The following DPYD variants were observed in gnomAD, a reference collection of about 807,000 sequenced individuals.
DPYD encodes dihydropyrimidine dehydrogenase.
A neutral mutation model predicts 116.2 loss-of-function variants in DPYD; 109 were observed. That is an observed-to-expected ratio of 0.94 (90% CI 0.80 to 1.10). The LOEUF (loss-of-function observed/expected upper bound fraction) is 1.10. Ranked by LOEUF, DPYD falls within the 50% of genes least tolerant of loss-of-function variation. DPYD has a pLI of 0.00. For synonymous variants in DPYD, 440 were observed against 432.0 expected (o/e 1.02, Z -0.23); for missense variants, 1,302 against 1,254.5 (o/e 1.04, Z -0.57).
At chr1:97,272,860 A>G (rs1018174627) in intron 18 of DPYD, among the ~76,000 whole-genome samples, 1 of 152,128 alleles carries the variant, frequency 6.6e-6, no homozygotes, top group Admixed American at 6.6e-5. Context: ...CTGAGATCAG[A>G]TAAGTAGGAT....
At chr1:97,864,739 A>G (rs1671288029) in intron 2 of DPYD, among the ~76,000 whole-genome samples, 1 of 151,876 alleles carries the variant, frequency 6.6e-6, no homozygotes. Flanking sequence ...TCTGGTAAGG[A>G]AACACATGGA....
At chr1:97,788,527 C>T (rs896046480) in intron 3 of DPYD, among the ~76,000 whole-genome samples, 6 of 152,152 alleles carry the variant, frequency 3.9e-5, no homozygotes, top group Non-Finnish European at 7.4e-5. Context: ...GCAAGACCAA[C>T]GAACTACCCA....
chr1:97,891,500 T>C (rs1055935472), intron 1 of DPYD, among the ~76,000 whole-genome samples: 2 of 151,938 alleles, frequency 1.3e-5, no homozygotes, highest in Non-Finnish European at 2.9e-5. Flanking sequence ...CAGGGCCAAG[T>C]ATAAATGAAA....
At chr1:97,284,486 T>C (rs955560927) in intron 18 of DPYD, among the ~76,000 whole-genome samples, 8 of 152,138 alleles carry the variant, frequency 5.3e-5, no homozygotes, top group African/African-American at 1.4e-4. Flanking sequence ...TATTAAGCCA[T>C]CTTTGCATTC....
chr1:97,511,793 C>G (rs1004899503), intron 13 of DPYD, among the ~76,000 whole-genome samples: 1 of 151,892 alleles, frequency 6.6e-6, no homozygotes, highest in Non-Finnish European at 1.5e-5. Context: ...AGAAGTTAGG[C>G]CAGCCGATTT....
intron 5 of DPYD, among the ~76,000 whole-genome samples, chr1:97,712,601 T>C (rs984477147): frequency 6.6e-6 from 1 of 152,106 alleles, no homozygotes; most frequent in African/African-American, 2.4e-5. Flanking sequence ...CTCATTTACG[T>C]TGAGTGAATT....
chr1:97,398,005 T>A (rs566659124), intron 14 of DPYD, among the ~76,000 whole-genome samples: 1 of 152,266 alleles, frequency 6.6e-6, no homozygotes, highest in South Asian at 2.1e-4. Flanking sequence ...TGCAGGTTTG[T>A]TACATATGTA....
At chr1:97,447,213 A>T (rs1162843949) in intron 14 of DPYD, among the ~76,000 whole-genome samples, 1 of 152,256 alleles carries the variant, frequency 6.6e-6, no homozygotes, top group Non-Finnish European at 1.5e-5. Flanking sequence ...GCTTTTGCTT[A>T]GAAGCTGCCA....
chr1:97,642,887 TAAA>T (rs1022853803), intron 8 of DPYD, among the ~76,000 whole-genome samples: 1 of 147,568 alleles, frequency 6.8e-6, no homozygotes, highest in African/African-American at 2.6e-5. Context: ...ATAATAATAA[TAAA>T]ATTAAATTAA....
chr1:97,793,886 A>C (rs1163979281), intron 3 of DPYD, among the ~76,000 whole-genome samples: 3 of 152,068 alleles, frequency 2.0e-5, no homozygotes, highest in Non-Finnish European at 4.4e-5. Context: ...CAAAAATAAC[A>C]ATTTCTGTTC....
At chr1:97,382,031 A>G (rs1262410837) in intron 15 of DPYD, among the ~76,000 whole-genome samples, 2 of 152,180 alleles carry the variant, frequency 1.3e-5, no homozygotes, top group Admixed American at 6.5e-5. Context: ...TAGTTTGCCT[A>G]AAGGCAAGGT....
intron 3 of DPYD, among the ~76,000 whole-genome samples, chr1:97,787,650 A>T (rs759984774): frequency 3.9e-5 from 6 of 152,236 alleles, no homozygotes; most frequent in Non-Finnish European, 7.3e-5. Context: ...AAAAAGAAAA[A>T]AAAAGCTAAA....
chr1:97,721,708 A>C lies in DPYD; in HGVS notation c.322-37T>G, dbSNP rs1407603730. ...ATACAAAATAAAATTTTACTACTTA[A>C]AAATATACTTTAAACAGCCAAATTA... is the stretch of plus-strand genomic sequence containing the variant. On this transcript the variant is annotated intron_variant, in intron 4 of 22. Coordinates refer to ENST00000370192, the MANE Select transcript of DPYD (RefSeq NM_000110.4). 3 of 1,590,194 alleles carry C rather than the reference A, an allele frequency of 1.9e-6. No homozygotes were observed. The African/African-American group carries it at 4.1e-5, about 22-fold the overall frequency.
At chr1:97,878,482 A>G (rs573117684) in intron 2 of DPYD, among the ~76,000 whole-genome samples, 2 of 152,152 alleles carry the variant, frequency 1.3e-5, no homozygotes, top group South Asian at 4.1e-4. Context: ...ATCCACAGGC[A>G]CAAGACCTCA....
chr1:97,439,935 C>A (rs1675673340), intron 14 of DPYD, among the ~76,000 whole-genome samples: 1 of 151,748 alleles, frequency 6.6e-6, no homozygotes, highest in African/African-American at 2.4e-5. Context: ...GTTCAAGGTA[C>A]TTTCTAATTT....
At chr1:97,788,855 T>C (rs1271206296) in intron 3 of DPYD, among the ~76,000 whole-genome samples, 2 of 152,156 alleles carry the variant, frequency 1.3e-5, no homozygotes, top group Non-Finnish European at 2.9e-5. Context: ...TCTGGCTCTA[T>C]GGCCCAGGCA....
At chr1:97,171,815 T>C (rs1005975472) in intron 20 of DPYD, among the ~76,000 whole-genome samples, 7 of 152,234 alleles carry the variant, frequency 4.6e-5, no homozygotes, top group Admixed American at 1.3e-4. Context: ...GTGTCTGTTT[T>C]ATAGGATGAA....
At position 97,451,126 on chromosome 1, in the gene DPYD, T is replaced by C. The variant is rs1200040735; in HGVS notation, c.1741-903A>G. 3.3e-5 allele frequency among the ~76,000 whole-genome samples: 5 copies of C among 152,126 alleles called. No homozygotes were observed. The East Asian group carries it at 5.8e-4, about 18-fold the overall frequency. On this transcript the variant is annotated intron_variant, in intron 13 of 22. Transcript: ENST00000370192. ...AAGATAACATGAACCCCCATTAGTA[T>C]ATAGCAATTAAGGTCAATTTACATA...
intron 3 of DPYD, among the ~76,000 whole-genome samples, chr1:97,755,964 T>C (rs371791883): frequency 1.3e-5 from 2 of 152,156 alleles, no homozygotes; most frequent in South Asian, 2.1e-4. Context: ...CTTGGAAGTA[T>C]AGAGCTATGG....
Sources: allele counts gnomAD v4.1 joint callset (sites outside exome capture counted in the v4.1 genomes callset), GRCh38; gene constraint gnomAD v4.1.1; transcripts MANE v1.5; gene names NCBI Gene and HGNC (gene_info 2026-07-23, HGNC 2026-07-21).